Variants in UMAD1 observed in about 807,000 individuals in gnomAD.
The protein encoded by UMAD1 is UBAP1-MVB12-associated (UMA)-domain containing protein 1.
UMAD1 carries 8 observed loss-of-function variants against 6.1 expected under a neutral mutation model. The observed-to-expected ratio is 1.30, with a 90% CI of 0.76 to 2.35. UMAD1 has a LOEUF of 2.35. Ranked by LOEUF, UMAD1 falls within the 30% of genes most tolerant of loss-of-function variation. The pLI, the probability that UMAD1 is intolerant of heterozygous loss-of-function variation, is 0.00. For synonymous variants in UMAD1, 56 were observed against 31.4 expected (o/e 1.78, Z -2.61); for missense variants, 130 against 78.4 (o/e 1.66, Z -2.49).
chr7:7,831,189 C>G (rs1783458691), intron 3 of UMAD1, among the ~76,000 whole-genome samples: 6 of 152,108 alleles, frequency 3.9e-5, no homozygotes, highest in Admixed American at 3.9e-4. Context: ...TAGTTTTACT[C>G]TGTTTTAGCC....
Position 7,871,560 on chromosome 7 carries a change from G to A in UMAD1, c.157-5721G>A, listed in dbSNP as rs983093276. Among the ~76,000 whole-genome samples, 6 of 152,232 alleles carry A rather than the reference G, an allele frequency of 3.9e-5. No homozygotes were observed. In the East Asian group the frequency reaches 1.2e-3, roughly 29 times the overall value. ...TTAAATGAGCAAATACATTTAAACA[G>A]CTTAGATACAGCCTGACACAGTGTT... On this transcript the variant is annotated intron_variant, in intron 3 of 3. Coordinates refer to ENST00000682710, the MANE Select transcript of UMAD1 (RefSeq NM_001302348.2).
At chr7:7,803,041 A>T (rs979828099) in intron 3 of UMAD1, among the ~76,000 whole-genome samples, 4 of 152,212 alleles carry the variant, frequency 2.6e-5, no homozygotes, top group Non-Finnish European at 5.9e-5. Flanking sequence ...TCACTTATGC[A>T]TGCAACAAGT....
rs1219939842 is a variant in UMAD1 at position 7,751,136 on chromosome 7, CTG to C, written c.83-50530_83-50529del. Among the ~76,000 whole-genome samples the C allele has an allele frequency of 2.6e-5, 4 of 152,242 alleles. No individual in the cohort carries two copies. In the East Asian group the frequency reaches 7.7e-4, roughly 29 times the overall value. On this transcript the variant is annotated intron_variant, in intron 2 of 3. Coordinates refer to ENST00000682710, the MANE Select transcript of UMAD1 (RefSeq NM_001302348.2). ...AATATAATGCTGTCATTATTGTTTTCTGTGTTATACCACTAGTTACATTACTT... is the reference window on the plus strand; with the variant it reads ...AATATAATGCTGTCATTATTGTTTTCTGTTATACCACTAGTTACATTACTT...
chr7:7,661,686 C>A (rs564431137), intron 1 of UMAD1, among the ~76,000 whole-genome samples: 2 of 152,258 alleles, frequency 1.3e-5, no homozygotes, highest in African/African-American at 4.8e-5. Flanking sequence ...GAAGCTTTGT[C>A]CCAGAGGGGC....
At chr7:7,775,345 A>T (rs1309909380) in intron 2 of UMAD1, among the ~76,000 whole-genome samples, 5 of 152,178 alleles carry the variant, frequency 3.3e-5, no homozygotes, top group Admixed American at 6.5e-5. Flanking sequence ...AGTGGGAGGT[A>T]ATTGAATCAT....
At position 7,784,228 on chromosome 7, in the gene UMAD1, CTTAATAAAG is replaced by C. The variant is rs1017069865; in HGVS notation, c.83-17438_83-17430del. Among the ~76,000 whole-genome samples, 4 of 152,132 alleles carry C rather than the reference CTTAATAAAG, an allele frequency of 2.6e-5. No homozygotes were observed. The South Asian group carries it at 6.2e-4, about 24-fold the overall frequency. On this transcript the variant is annotated intron_variant, in intron 2 of 3. Coordinates refer to ENST00000682710, the MANE Select transcript of UMAD1 (RefSeq NM_001302348.2). ...TATTAAATCAGCAAAATCATTCCTA[CTTAATAAAG>C]TTATTGGAAAGAGCTTATTATAAGG...
chr7:7,652,276 C>T (rs1248156936), intron 1 of UMAD1, among the ~76,000 whole-genome samples: 6 of 152,072 alleles, frequency 3.9e-5, no homozygotes, highest in Admixed American at 3.3e-4. Flanking sequence ...TACTCTTGGT[C>T]GATTGTACTT....
intron 2 of UMAD1, among the ~76,000 whole-genome samples, chr7:7,722,216 T>C (rs112546034): frequency 0.016 from 2,455 of 150,356 alleles, 58 homozygotes; most frequent in African/African-American, 0.048. Context: ...TATAGATATA[T>C]ACTATTAGTT....
At chr7:7,807,299 T>C (rs926393350) in intron 3 of UMAD1, among the ~76,000 whole-genome samples, 1 of 152,136 alleles carries the variant, frequency 6.6e-6, no homozygotes, top group Non-Finnish European at 1.5e-5. Flanking sequence ...GTATGATTAA[T>C]TTTTTATGAT....
Position 7,830,932 on chromosome 7 carries a change from T to C in UMAD1, c.156+29189T>C, listed in dbSNP as rs1303014615. On this transcript the variant is annotated intron_variant, in intron 3 of 3. Coordinates refer to ENST00000682710, the MANE Select transcript of UMAD1 (RefSeq NM_001302348.2). The surrounding 1 kb of genome is among the most constrained non-coding windows in gnomAD (Gnocchi z 5.3). The stretch of plus-strand genomic sequence containing the variant: ...TCACCCAAACATTTCCTCATGTGGC[T>C]ACAAGAATATTTTTTAATTATAAAA... Among the ~76,000 whole-genome samples, 3 of 152,184 alleles carry C rather than the reference T, an allele frequency of 2.0e-5. No homozygotes were observed. The highest frequency in any genetic ancestry group is 4.8e-5 in the African/African-American group (2 of 41,462).
chr7:7,872,052 C>T (rs549085701), intron 3 of UMAD1, among the ~76,000 whole-genome samples: 42 of 150,664 alleles, frequency 2.8e-4, no homozygotes, highest in Non-Finnish European at 5.8e-4. Context: ...CTTCATGTCC[C>T]ATCAGTAAAG....
chr7:7,644,354 C>CT (rs35141799), intron 1 of UMAD1, among the ~76,000 whole-genome samples: 1,511 of 141,842 alleles, frequency 0.011, 21 homozygotes, highest in African/African-American at 0.031. Context: ...TCATTCCATC[C>CT]TTTTTTTTTT....
At position 7,797,725 on chromosome 7, in the gene UMAD1, G is replaced by A. The variant is rs1253795556; in HGVS notation, c.83-3945G>A. Reference sequence around the variant, plus strand: ...TTTTTTTGAGACGAGGTCTCACTCTGTTGCCCAGGCTGGAGTGCAGTGGTG... The same window carrying A: ...TTTTTTTGAGACGAGGTCTCACTCTATTGCCCAGGCTGGAGTGCAGTGGTG... On this transcript the variant is annotated intron_variant, in intron 2 of 3. Coordinates refer to ENST00000682710, the MANE Select transcript of UMAD1 (RefSeq NM_001302348.2). Among the ~76,000 whole-genome samples the A allele has an allele frequency of 8.2e-5, 12 of 147,142 alleles. No homozygotes were observed. In the Admixed American group the frequency reaches 8.2e-4, roughly 10 times the overall value.
intron 3 of UMAD1, among the ~76,000 whole-genome samples, chr7:7,813,990 A>T (rs896490150): frequency 2.7e-5 from 4 of 148,054 alleles, no homozygotes; most frequent in Non-Finnish European, 4.5e-5. Context: ...CTTTTTATTT[A>T]TTTTTTTTTT....
chr7:7,689,766 CAG>C (rs1780130186), intron 2 of UMAD1, among the ~76,000 whole-genome samples: 1 of 152,076 alleles, frequency 6.6e-6, no homozygotes, highest in African/African-American at 2.4e-5. Context: ...AATAGATTGT[CAG>C]AGTCATAAGT....
Position 7,754,950 on chromosome 7 carries a change from A to C in UMAD1, c.83-46720A>C, listed in dbSNP as rs190603394. ...TTTATTTCATTTAGTTATTAGCAGTATAATATTCTCTTCTGTTTTTATAGT... is the reference window on the plus strand; with the variant it reads ...TTTATTTCATTTAGTTATTAGCAGTCTAATATTCTCTTCTGTTTTTATAGT... On this transcript the variant is annotated intron_variant, in intron 2 of 3. Transcript: ENST00000682710. 3.4e-3 allele frequency among the ~76,000 whole-genome samples: 521 copies of C among 152,322 alleles called. 2 individuals are homozygous for C. Among genetic ancestry groups the C allele is most frequent in the Non-Finnish European group, 5.4e-3 (367 of 68,028 alleles).
At chr7:7,650,446 C>G (rs529055375) in intron 1 of UMAD1, among the ~76,000 whole-genome samples, 2 of 152,152 alleles carry the variant, frequency 1.3e-5, no homozygotes, top group East Asian at 3.9e-4. Context: ...TAATATTTTA[C>G]TCTTGTAATG....
Position 7,834,302 on chromosome 7 carries a change from C to T in UMAD1, c.156+32559C>T, listed in dbSNP as rs186375091. 3.2e-3 allele frequency among the ~76,000 whole-genome samples: 486 copies of T among 152,244 alleles called. 2 individuals carry two copies. The highest frequency in any genetic ancestry group is 4.8e-3 in the Non-Finnish European group (327 of 68,008). On this transcript the variant is annotated intron_variant, in intron 3 of 3. Transcript: ENST00000682710. ...CCTCCCAAAGTGCTGAGATTATAGG[C>T]ATGAGCCACCATGCCTGGCCTATCC...
At chr7:7,841,048 G>A (rs1457273439) in intron 3 of UMAD1, among the ~76,000 whole-genome samples, 1 of 152,190 alleles carries the variant, frequency 6.6e-6, no homozygotes, top group East Asian at 1.9e-4. Context: ...TTGTGTTTCA[G>A]TGTACCTGTG....
Sources: allele counts gnomAD v4.1 joint callset (sites outside exome capture counted in the v4.1 genomes callset), GRCh38; gene constraint gnomAD v4.1.1; non-coding constraint Gnocchi (gnomAD v3.1); transcripts MANE v1.5; gene names NCBI Gene and HGNC (gene_info 2026-07-23, HGNC 2026-07-21).